Variants in SEMA6D observed in about 807,000 individuals in gnomAD.
SEMA6D encodes semaphorin 6D, also known as semaphorin-6D.
Under a neutral mutation model 106.6 loss-of-function variants are expected in SEMA6D, and 35 were observed. The observed-to-expected ratio is 0.33, with a 90% confidence interval of 0.25 to 0.44. SEMA6D has a LOEUF of 0.44. SEMA6D is among the 20% of genes least tolerant of loss of function. The pLI, the probability that SEMA6D is intolerant of heterozygous loss-of-function variation, is 1.00. For missense variants in SEMA6D, 1,185 were observed against 1,345.9 expected (o/e 0.88, Z 1.87); for synonymous variants, 499 against 487.7 (o/e 1.02, Z -0.31).
intron 1 of SEMA6D, among the ~76,000 whole-genome samples, chr15:47,206,192 A>G (rs1401307367): frequency 6.6e-6 from 1 of 152,248 alleles, no homozygotes; most frequent in Non-Finnish European, 1.5e-5. Flanking sequence ...ATTAATGTTC[A>G]TATATAGTTC....
intron 4 of SEMA6D, among the ~76,000 whole-genome samples, chr15:47,642,445 C>T (rs2077505876): frequency 6.6e-6 from 1 of 151,974 alleles, no homozygotes; most frequent in Non-Finnish European, 1.5e-5. Context: ...CAGATGCACA[C>T]ACACACACAC....
intron 1 of SEMA6D, among the ~76,000 whole-genome samples, chr15:47,240,286 A>T (rs1307319887): frequency 6.6e-6 from 1 of 152,198 alleles, no homozygotes; most frequent in Non-Finnish European, 1.5e-5. Context: ...AGGACCTCTG[A>T]TACAGAATCT....
intron 4 of SEMA6D, among the ~76,000 whole-genome samples, chr15:47,707,488 A>G (rs1435374535): frequency 6.6e-6 from 1 of 152,252 alleles, no homozygotes; most frequent in Non-Finnish European, 1.5e-5. Flanking sequence ...AAAAGATAGT[A>G]GATAAAATAT....
rs764588172 is a variant in SEMA6D at position 47,765,071 on chromosome 15, C to T, written c.1427+15C>T. ...AACCATGCAAAGTAGGTATATGTTACGAGAACGCCCTTCAGCACTGCTCAA... is the reference window on the plus strand; with the variant it reads ...AACCATGCAAAGTAGGTATATGTTATGAGAACGCCCTTCAGCACTGCTCAA... On this transcript the variant is annotated intron_variant, in intron 13 of 18. Transcript: ENST00000536845. 48 of 1,612,788 alleles carry T rather than the reference C, an allele frequency of 3.0e-5. 1 individual carries two copies. In the Middle Eastern group the frequency reaches 4.9e-4, roughly 17 times the overall value.
intron 1 of SEMA6D, among the ~76,000 whole-genome samples, chr15:47,341,517 A>G (rs998786763): frequency 6.6e-6 from 1 of 152,188 alleles, no homozygotes; most frequent in Middle Eastern, 3.2e-3. Flanking sequence ...CCACTGAGCA[A>G]TTGTATGATT....
chr15:47,258,354 T>C (rs1435362232), intron 1 of SEMA6D, among the ~76,000 whole-genome samples: 1 of 152,182 alleles, frequency 6.6e-6, no homozygotes, highest in East Asian at 1.9e-4. Context: ...GTTAAAACAT[T>C]ATTTCTGGGT....
chr15:47,687,490 G>A (rs980115799), intron 4 of SEMA6D, among the ~76,000 whole-genome samples: 4 of 152,106 alleles, frequency 2.6e-5, no homozygotes, highest in African/African-American at 9.7e-5. Flanking sequence ...GCTAAGTGAA[G>A]CAGAGAAATA....
intron 4 of SEMA6D, among the ~76,000 whole-genome samples, chr15:47,695,124 G>A (rs1185763320): frequency 6.6e-6 from 1 of 152,050 alleles, no homozygotes; most frequent in East Asian, 1.9e-4. Context: ...CTTGTTGGTG[G>A]GCCCACTTAA....
chr15:47,432,619 T>TACACC (rs1177508801), intron 2 of SEMA6D, among the ~76,000 whole-genome samples: 1 of 47,202 alleles, frequency 2.1e-5, no homozygotes, highest in Non-Finnish European at 4.9e-5. Flanking sequence ...ACACACACAA[T>TACACC]TAGTAAGTAC....
In SEMA6D at chr15:47,668,684, C is replaced by T. The variant is rs972342257; in HGVS notation, c.-55+67788C>T. 2.0e-5 allele frequency among the ~76,000 whole-genome samples: 3 copies of T among 152,176 alleles called. No homozygotes were observed. In the East Asian group the frequency reaches 5.8e-4, roughly 29 times the overall value. ...CCCTGACCTAGCGAATGGTCCTCTT[C>T]CTACCCGTGTCTGGACCCTCTCTGC... On this transcript the variant is annotated intron_variant, in intron 4 of 19. Coordinates refer to the SEMA6D transcript ENST00000558014.
At chr15:47,657,101 T>C (rs899792584) in intron 4 of SEMA6D, among the ~76,000 whole-genome samples, 1 of 152,184 alleles carries the variant, frequency 6.6e-6, no homozygotes, top group African/African-American at 2.4e-5. Flanking sequence ...GATCAGAGCA[T>C]TGAAGAAATT....
intron 3 of SEMA6D, among the ~76,000 whole-genome samples, chr15:47,562,067 A>G (rs1458014528): frequency 6.6e-6 from 1 of 152,058 alleles, no homozygotes; most frequent in Non-Finnish European, 1.5e-5. Context: ...TACAGTAATC[A>G]AGAGAGTTGA....
intron 2 of SEMA6D, among the ~76,000 whole-genome samples, chr15:47,432,010 G>C (rs188516898): frequency 1.8e-4 from 28 of 151,956 alleles, no homozygotes; most frequent in Non-Finnish European, 3.8e-4. Flanking sequence ...CCAACCACCC[G>C]CAATGTTACA....
chr15:47,631,281 T>G (rs2077288197), intron 4 of SEMA6D, among the ~76,000 whole-genome samples: 1 of 151,868 alleles, frequency 6.6e-6, no homozygotes, highest in Non-Finnish European at 1.5e-5. Flanking sequence ...TATAAGACTA[T>G]TTAGGTTGTC....
intron 3 of SEMA6D, among the ~76,000 whole-genome samples, chr15:47,545,548 A>G (rs1402755891): frequency 6.6e-6 from 1 of 152,168 alleles, no homozygotes; most frequent in African/African-American, 2.4e-5. Context: ...ATGTATTCCC[A>G]GACTGTCAGT....
chr15:47,314,553 C>G (rs1345481101), intron 1 of SEMA6D, among the ~76,000 whole-genome samples: 2 of 128,068 alleles, frequency 1.6e-5, no homozygotes, highest in Admixed American at 8.9e-5. Flanking sequence ...AGCCGAGATC[C>G]CGCCACTGCA....
intron 1 of SEMA6D, among the ~76,000 whole-genome samples, chr15:47,288,236 A>G (rs1595646841): frequency 1.3e-5 from 2 of 152,130 alleles, no homozygotes; most frequent in East Asian, 3.9e-4. Context: ...TACTGCTGAG[A>G]TTCCATTTCT....
intron 4 of SEMA6D, among the ~76,000 whole-genome samples, chr15:47,656,944 C>G (rs1408813083): frequency 6.6e-6 from 1 of 152,162 alleles, no homozygotes; most frequent in Non-Finnish European, 1.5e-5. Context: ...AAGAGAACAG[C>G]TACATACTAT....
At chr15:47,193,515 C>G (rs1409585276) in intron 1 of SEMA6D, among the ~76,000 whole-genome samples, 2 of 152,132 alleles carry the variant, frequency 1.3e-5, no homozygotes, top group African/African-American at 4.8e-5. Flanking sequence ...AGCTGTTTGT[C>G]AAGGCCGAAA....
Sources: gnomAD v4.1 joint callset for allele counts (sites outside exome capture counted in the v4.1 genomes callset) on GRCh38, gnomAD v4.1.1 for gene constraint, MANE v1.5 for transcripts, NCBI Gene and HGNC (gene_info 2026-07-23, HGNC 2026-07-21) for gene names.